Variants in KIAA1671 observed in about 807,000 individuals in gnomAD.
The protein encoded by KIAA1671 is KIAA1671.
KIAA1671 carries 52 observed loss-of-function variants against 131.2 expected under a neutral mutation model. The observed-to-expected ratio is 0.40, with a 90% CI of 0.32 to 0.50. The LOEUF (loss-of-function observed/expected upper bound fraction) is 0.50, where lower values mean the gene tolerates loss of function less well. Ranked by LOEUF, KIAA1671 falls within the 20% of genes least tolerant of loss-of-function variation. The pLI, the probability that KIAA1671 is intolerant of heterozygous loss-of-function variation, is 0.73. For missense variants in KIAA1671, 2,360 were observed against 2,364.2 expected, an observed-to-expected ratio of 1.00 and a Z score of 0.04; for synonymous variants, 1,003 against 961.6, an observed-to-expected ratio of 1.04 and a Z score of -0.80.
chr22:25,158,802 C>G (rs958519516), intron 6 of KIAA1671, among the ~76,000 whole-genome samples: 2 of 152,174 alleles, frequency 1.3e-5, no homozygotes, highest in African/African-American at 4.8e-5. Flanking sequence ...GACTAAATGT[C>G]ACGGCCCAGC....
chr22:25,049,337 C>G lies in KIAA1671; in HGVS notation c.4503C>G (p.Cys1501Trp). 3 of 1,551,522 alleles carry G rather than the reference C, an allele frequency of 1.9e-6. No individual in the cohort carries two copies. Among genetic ancestry groups the G allele is most frequent in the Non-Finnish European group, 2.6e-6 (3 of 1,146,784 alleles). Reference sequence around the variant, plus strand: ...TTCCCTGGAGAAGCCACAGCTTCTGCAAAGACAGGAGGAGTGGGCCCTTTG... The same window carrying G: ...TTCCCTGGAGAAGCCACAGCTTCTGGAAAGACAGGAGGAGTGGGCCCTTTG... ...ASVPWRSHSF[C>W]KDRRSGPFVD... The change falls in exon 6 of 13, where the codon TGC (cysteine) becomes TGG (tryptophan). Residue 1501 changes from cysteine (C) to tryptophan (W), a missense_variant. By Grantham distance (215) the Cys-to-Trp change is radical. This residue lies in a region of KIAA1671 where 1,161 missense variants were observed against 1,204.7 expected (regional missense o/e 0.96). Transcript: ENST00000358431.
In KIAA1671 at chr22:25,039,728, G is replaced by T; in HGVS notation, c.2598G>T (p.Gly866=). The change falls in exon 5 of 13, where the codon GGG becomes GGT. Residue 866 remains glycine (G), a synonymous_variant. Transcript: ENST00000358431. ...IWESQHEGPE[G]ARSKPGVGAR... The stretch of plus-strand genomic sequence containing the variant: ...AAAGCCAGCATGAGGGGCCAGAGGG[G>T]GCCAGAAGCAAGCCAGGAGTGGGAG... The T allele has an allele frequency of 6.7e-7, 1 of 1,502,900 alleles. No homozygotes were observed. The highest frequency in any genetic ancestry group is 1.3e-5 in the South Asian group (1 of 75,628). 93.1% of individuals were successfully genotyped at this position (1,502,900 alleles called of 1,614,324 possible).
At chr22:25,095,507 C>T (rs1394808472) in intron 6 of KIAA1671, among the ~76,000 whole-genome samples, 2 of 152,022 alleles carry the variant, frequency 1.3e-5, no homozygotes, top group Admixed American at 6.6e-5. Flanking sequence ...AAAAATTAGC[C>T]AGGCATGGTG....
At chr22:25,019,204 A>G (rs1925525525) in intron 1 of KIAA1671, among the ~76,000 whole-genome samples, 1 of 152,128 alleles carries the variant, frequency 6.6e-6, no homozygotes, top group Non-Finnish European at 1.5e-5. Context: ...GAAATCTGAC[A>G]GGAAGGCAGG....
At chr22:25,053,638 C>G (rs773227091) in intron 6 of KIAA1671, 2 of 152,154 alleles carry the variant, frequency 1.3e-5, no homozygotes, top group Non-Finnish European at 2.9e-5. Flanking sequence ...GAGATTTTCT[C>G]CGTCAGCCTC....
intron 11 of KIAA1671, 99 bp downstream of exon 11, chr22:25,185,218 T>G: frequency 2.4e-6 from 3 of 1,245,216 alleles, no homozygotes; most frequent in Non-Finnish European, 2.2e-6. Flanking sequence ...TAGAAGAGAG[T>G]TACAACTTTT....
chr22:25,085,349 C>T lies in KIAA1671; in HGVS notation c.4530+35985C>T, dbSNP rs888313442. ...TGTTGAGTATGCCACAGTCAGAAGA[C>T]GTGGGCCGATCTTTTTCTCTTCCTC... On this transcript the variant is annotated intron_variant, in intron 6 of 12. Transcript: ENST00000358431. Among the ~76,000 whole-genome samples, 12 of 152,292 alleles carry T rather than the reference C, an allele frequency of 7.9e-5. 1 individual carries two copies. The Middle Eastern group carries it at 0.01, about 130-fold the overall frequency.
chr22:25,109,426 C>A (rs891948078), intron 6 of KIAA1671, among the ~76,000 whole-genome samples: 1 of 152,096 alleles, frequency 6.6e-6, no homozygotes, highest in Non-Finnish European at 1.5e-5. Flanking sequence ...CTTCTTTACT[C>A]AGACGTGAGC....
chr22:25,151,024 C>T (rs1285085384), intron 6 of KIAA1671, among the ~76,000 whole-genome samples: 6 of 151,912 alleles, frequency 3.9e-5, no homozygotes, highest in Non-Finnish European at 5.9e-5. Context: ...TTAGTAGAGA[C>T]GGGGTTTCAC....
chr22:25,189,195 C>T (rs550785909), intron 11 of KIAA1671, among the ~76,000 whole-genome samples: 1 of 136,604 alleles, frequency 7.3e-6, no homozygotes, highest in Non-Finnish European at 1.6e-5. Flanking sequence ...GCTCTGTCGC[C>T]CAGGCTGGAG....
At chr22:25,012,200 C>T (rs1396014398) in intron 1 of KIAA1671, 1 of 152,078 alleles carries the variant, frequency 6.6e-6, no homozygotes, top group East Asian at 1.9e-4. Context: ...ACATAAAAAC[C>T]CCAAGAGTTA....
chr22:24,995,815 T>G (rs1051730028), intron 1 of KIAA1671, among the ~76,000 whole-genome samples: 1 of 152,222 alleles, frequency 6.6e-6, no homozygotes, highest in Non-Finnish European at 1.5e-5. Context: ...ATTTTATAGA[T>G]GAGGAAGATG....
At chr22:25,186,822 G>C (rs191743277) in intron 11 of KIAA1671, among the ~76,000 whole-genome samples, 1 of 152,356 alleles carries the variant, frequency 6.6e-6, no homozygotes, top group East Asian at 1.9e-4. Flanking sequence ...GAGAAAGACA[G>C]GGCCATAGTT....
At chr22:25,175,462 G>A (rs1283694999) in intron 8 of KIAA1671, 1 of 152,192 alleles carries the variant, frequency 6.6e-6, no homozygotes, top group African/African-American at 2.4e-5. Flanking sequence ...GGCACCTCTA[G>A]ATCAGGGCGG....
At chr22:25,177,667 C>G in intron 9 of KIAA1671, 145 bp downstream of exon 9, 1 of 671,634 alleles carries the variant, frequency 1.5e-6, no homozygotes, top group South Asian at 2.5e-5. Flanking sequence ...TTTTTCATGT[C>G]TTAAACACAC....
rs1568951567 is a variant in KIAA1671, at chr22:25,093,832, C to CTCTT, written c.4530+44469_4530+44470insCTTT. ...TCTCTGTCTCTCTCTCTTTCTCTCT[C>CTCTT]TGTCTGTCTCTCTCTCTCTCTCTCT... On this transcript the variant is annotated intron_variant, in intron 6 of 12. Coordinates refer to ENST00000358431, the MANE Select transcript of KIAA1671 (RefSeq NM_001145206.2). 7.2e-4 allele frequency among the ~76,000 whole-genome samples: 50 copies of CTCTT among 69,380 alleles called. 6 individuals carry two copies. Among genetic ancestry groups the CTCTT allele is most frequent in the African/African-American group, 2.5e-3 (34 of 13,410 alleles). 45.5% of individuals were successfully genotyped at this position (69,380 alleles called of 152,430 possible).
At chr22:25,179,166 G>A (rs1934163263) in intron 9 of KIAA1671, 8 of 885,088 alleles carry the variant, frequency 9.0e-6, no homozygotes, top group South Asian at 2.9e-5. Flanking sequence ...AGGGCAGGGC[G>A]GCTGAGTGCG....
chr22:25,129,781 C>A (rs1285308967), intron 6 of KIAA1671, among the ~76,000 whole-genome samples: 1 of 151,988 alleles, frequency 6.6e-6, no homozygotes, highest in Non-Finnish European at 1.5e-5. Flanking sequence ...CCTGCCTCAG[C>A]CTCCCAAGTA....
At chr22:25,187,801 C>T (rs1480839963) in intron 11 of KIAA1671, among the ~76,000 whole-genome samples, 2 of 152,106 alleles carry the variant, frequency 1.3e-5, no homozygotes, top group African/African-American at 4.8e-5. Context: ...CCTGGCCTGA[C>T]TTTATTGTTT....
Sources: gnomAD v4.1 joint callset for allele counts (sites outside exome capture counted in the v4.1 genomes callset) on GRCh38, gnomAD v4.1.1 for gene constraint, gnomAD v4.1.1 regional missense constraint, MANE v1.5 for transcripts, NCBI Gene and HGNC (gene_info 2026-07-23, HGNC 2026-07-21) for gene names.